The following PTBP3 variants were observed in gnomAD, a reference collection of about 807,000 sequenced individuals.
PTBP3 encodes the protein polypyrimidine tract binding protein 3.
Under a neutral mutation model 58.7 loss-of-function variants are expected in PTBP3, and 20 were observed. That is an observed-to-expected ratio of 0.34 (90% CI 0.24 to 0.50). The LOEUF (loss-of-function observed/expected upper bound fraction) is 0.50, where lower values mean the gene tolerates loss of function less well. Among genes scored for constraint, PTBP3 ranks in the 20% least tolerant of loss-of-function variants. The pLI is 0.98. For missense variants in PTBP3, 509 were observed against 637.2 expected, an observed-to-expected ratio of 0.80 and a Z score of 2.17; for synonymous variants, 185 against 219.8, an observed-to-expected ratio of 0.84 and a Z score of 1.40.
intron 7 of PTBP3, among the ~76,000 whole-genome samples, chr9:112,247,103 G>C (rs1008553328): frequency 6.6e-6 from 1 of 151,960 alleles, no homozygotes; most frequent in East Asian, 1.9e-4. Flanking sequence ...GTATGATGGT[G>C]AGTGACTGTA....
At chr9:112,285,709 G>A (rs922259745) in intron 2 of PTBP3, among the ~76,000 whole-genome samples, 2 of 152,168 alleles carry the variant, frequency 1.3e-5, no homozygotes, top group African/African-American at 4.8e-5. Context: ...TGAATTTCAT[G>A]AAAGTTTCGT....
At chr9:112,321,826 C>T (rs1829962365) in intron 1 of PTBP3, among the ~76,000 whole-genome samples, 1 of 152,048 alleles carries the variant, frequency 6.6e-6, no homozygotes, top group Admixed American at 6.5e-5. Flanking sequence ...TAGGCTTTAC[C>T]CTCCAGGAAC....
intron 1 of PTBP3, among the ~76,000 whole-genome samples, chr9:112,317,325 G>A (rs755167578): frequency 2.6e-5 from 4 of 151,498 alleles, no homozygotes; most frequent in Non-Finnish European, 4.4e-5. Flanking sequence ...GGGAGCTGAG[G>A]TGGGAGGATC....
chr9:112,300,480 T>C (rs569680541), intron 1 of PTBP3, among the ~76,000 whole-genome samples: 1 of 152,236 alleles, frequency 6.6e-6, no homozygotes, highest in South Asian at 2.1e-4. Context: ...CGGCCGGGCG[T>C]GGTGGCTCAC....
rs566067594 is a variant in PTBP3 at position 112,318,886 on chromosome 9, G to A, written c.-52+14584C>T. 3.3e-5 allele frequency among the ~76,000 whole-genome samples: 5 copies of A among 152,252 alleles called. No homozygotes were observed. The South Asian group carries it at 1.0e-3, about 32-fold the overall frequency. On this transcript the variant is annotated intron_variant, in intron 1 of 13. Transcript: ENST00000374257. ...CTCACGCCTGTAATCCCAGTACTTT[G>A]GGAGGCCAAGGCGGGCAGATCACCT...
intron 11 of PTBP3, 104 bp downstream of exon 11, chr9:112,228,276 G>T: frequency 2.7e-6 from 2 of 736,458 alleles, no homozygotes; most frequent in Non-Finnish European, 4.3e-6. Flanking sequence ...ACAAGGAGGT[G>T]TTCTTTTGTA....
the PTBP3 span, among the ~76,000 whole-genome samples, chr9:112,357,870 T>C: frequency 1.6e-4 from 24 of 152,178 alleles, no homozygotes; most frequent in African/African-American, 5.1e-4. Flanking sequence ...TCCAGAGACA[T>C]TTTTGGTTGA....
intron 5 of PTBP3, among the ~76,000 whole-genome samples, chr9:112,260,620 A>G (rs1457875479): frequency 6.6e-6 from 1 of 152,242 alleles, no homozygotes; most frequent in East Asian, 1.9e-4. Context: ...TAAGGACAGA[A>G]CTAAGCAGGG....
chr9:112,221,853 C>T lies in PTBP3; in HGVS notation c.*1998G>A, dbSNP rs143981716. ...TTGGTAAAATTTCTTCTGTAAAAAC[C>T]TCCCTATGTTCAAATTAATCACTGG... On this transcript the variant is annotated 3_prime_UTR_variant, in exon 14 of 14. Coordinates refer to ENST00000374257, the MANE Select transcript of PTBP3 (RefSeq NM_001163788.4). 5,120 of 984,136 alleles carry T rather than the reference C, an allele frequency of 5.2e-3. 61 individuals carry two copies. Among genetic ancestry groups the T allele is most frequent in the Admixed American group, 0.041 (673 of 16,260 alleles). The allele number at this position is 984,136 out of a possible 1,614,324, so 61.0% of individuals were successfully genotyped here.
chr9:112,269,915 T>A (rs926733269), intron 3 of PTBP3, among the ~76,000 whole-genome samples: 1 of 150,862 alleles, frequency 6.6e-6, no homozygotes, highest in South Asian at 2.1e-4. Context: ...TAAAACCAGT[T>A]AATTAAGTGG....
At chr9:112,378,351 T>C in the PTBP3 span, among the ~76,000 whole-genome samples, 1 of 152,338 alleles carries the variant, frequency 6.6e-6, no homozygotes, top group African/African-American at 2.4e-5. Context: ...GCTCACAAAA[T>C]ATCGTTATGA....
At chr9:112,320,644 C>G (rs1263462955) in intron 1 of PTBP3, among the ~76,000 whole-genome samples, 1 of 151,914 alleles carries the variant, frequency 6.6e-6, no homozygotes, top group African/African-American at 2.4e-5. Flanking sequence ...TTAAGATATA[C>G]TATAAACCCA....
intron 7 of PTBP3, among the ~76,000 whole-genome samples, chr9:112,237,268 G>A (rs1404738185): frequency 6.6e-6 from 1 of 152,060 alleles, no homozygotes; most frequent in Non-Finnish European, 1.5e-5. Context: ...AGCAGAAACA[G>A]AAACATCATA....
the PTBP3 span, among the ~76,000 whole-genome samples, chr9:112,344,803 A>T: frequency 6.6e-6 from 1 of 152,232 alleles, no homozygotes; most frequent in East Asian, 1.9e-4. Flanking sequence ...AATTAGTTGC[A>T]TTTCTATATA....
At chr9:112,320,357 A>G (rs1170564417) in intron 1 of PTBP3, among the ~76,000 whole-genome samples, 2 of 139,536 alleles carry the variant, frequency 1.4e-5, no homozygotes, top group East Asian at 4.0e-4. Context: ...ATAAGTGACA[A>G]TGCATATGTT....
intron 2 of PTBP3, among the ~76,000 whole-genome samples, chr9:112,293,275 C>T (rs1828525175): frequency 6.6e-6 from 1 of 152,142 alleles, no homozygotes; most frequent in Non-Finnish European, 1.5e-5. Context: ...TGAGTATTAG[C>T]AATGGCCTGT....
rs773766609 is a variant in PTBP3, at chr9:112,227,611, A to T, written c.1164T>A (p.Ser388Arg). Reference protein sequence around the residue: ...NQAQLAMNHLSGQRLYGKVLR... With the variant: ...NQAQLAMNHLRGQRLYGKVLR... ...GCACTTTCCCATAAAGTCTCTGACC[A>T]CTTAGATGGTTCATTGCTAGTGCAT... The change falls in exon 12 of 14, where the codon AGT becomes AGA. Residue 388 changes from serine to arginine, a missense_variant. Coordinates refer to ENST00000374257, the MANE Select transcript of PTBP3 (RefSeq NM_001163788.4). 1 of 1,613,924 alleles carries T rather than the reference A, an allele frequency of 6.2e-7. No homozygotes were observed. Among genetic ancestry groups the T allele is most frequent in the Non-Finnish European group, 8.5e-7 (1 of 1,179,874 alleles).
chr9:112,282,322 A>T (rs766088889), intron 2 of PTBP3, among the ~76,000 whole-genome samples: 1 of 152,132 alleles, frequency 6.6e-6, no homozygotes, highest in Admixed American at 6.5e-5. Flanking sequence ...CCACATAAAC[A>T]ACTACTGGTT....
chr9:112,309,932 C>T (rs967169622), intron 1 of PTBP3, among the ~76,000 whole-genome samples: 7 of 152,174 alleles, frequency 4.6e-5, no homozygotes, highest in African/African-American at 1.7e-4. Flanking sequence ...TAACATTCAC[C>T]TTTCCATAGC....
Sources: allele counts gnomAD v4.1 joint callset (sites outside exome capture counted in the v4.1 genomes callset), GRCh38; gene constraint gnomAD v4.1.1; transcripts MANE v1.5; gene names NCBI Gene and HGNC (gene_info 2026-07-23, HGNC 2026-07-21).